The following RAB3C variants were observed in gnomAD, a reference collection of about 807,000 sequenced individuals.
RAB3C encodes the protein ras-related protein Rab-3C.
Under a neutral mutation model 26.4 loss-of-function variants are expected in RAB3C, and 17 were observed. That is an observed-to-expected ratio of 0.64 (90% CI 0.44 to 0.97). RAB3C has a LOEUF of 0.97. RAB3C is among the 50% of genes least tolerant of loss of function. The pLI is 0.00. For synonymous variants in RAB3C, 91 were observed against 95.9 expected (o/e 0.95, Z 0.30); for missense variants, 242 against 281.9 (o/e 0.86, Z 1.01).
chr5:58,803,947 C>T (rs1742873923), intron 3 of RAB3C, among the ~76,000 whole-genome samples: 1 of 151,918 alleles, frequency 6.6e-6, no homozygotes, highest in African/African-American at 2.4e-5. Flanking sequence ...ATAATCCCAG[C>T]TACTCGGGAG....
chr5:58,692,735 C>T (rs1331774995), intron 2 of RAB3C, among the ~76,000 whole-genome samples: 3 of 152,028 alleles, frequency 2.0e-5, no homozygotes, highest in Admixed American at 6.6e-5. Context: ...TTTTCAATTA[C>T]TGTCTCCAAA....
chr5:58,779,580 G>T (rs1347208016), intron 3 of RAB3C, among the ~76,000 whole-genome samples: 1 of 151,830 alleles, frequency 6.6e-6, no homozygotes, highest in Admixed American at 6.6e-5. Context: ...TAGAGATGGG[G>T]CCTTATCATG....
chr5:58,712,060 C>G (rs10055370), intron 2 of RAB3C, among the ~76,000 whole-genome samples: 1 of 152,194 alleles, frequency 6.6e-6, no homozygotes. Flanking sequence ...ACAAACACCC[C>G]TCAGCCCATC....
intron 4 of RAB3C, among the ~76,000 whole-genome samples, chr5:58,833,970 G>A (rs1743678574): frequency 6.6e-6 from 1 of 152,052 alleles, no homozygotes; most frequent in Admixed American, 6.5e-5. Flanking sequence ...TAATGAAATC[G>A]AAATAGATTT....
At chr5:58,675,261 A>G (rs1046807442) in intron 2 of RAB3C, among the ~76,000 whole-genome samples, 7 of 151,892 alleles carry the variant, frequency 4.6e-5, no homozygotes, top group Non-Finnish European at 8.8e-5. Context: ...TATCTCTTAC[A>G]TGGCGTTGCA....
In RAB3C at chr5:58,857,036, T is replaced by C. The variant is rs926578990; in HGVS notation, c.*5685T>C. Reference sequence around the variant, plus strand: ...CTTAAATGTTGCATGAAATATGTTATAAAAATAGATTTGTTTTCTATTTTC... The same window carrying C: ...CTTAAATGTTGCATGAAATATGTTACAAAAATAGATTTGTTTTCTATTTTC... On this transcript the variant is annotated 3_prime_UTR_variant, in exon 5 of 5. Transcript: ENST00000282878. 1 of 152,230 alleles carries C rather than the reference T, an allele frequency of 6.6e-6. No individual in the cohort carries two copies. 9.4% of individuals were successfully genotyped at this position (152,230 alleles called of 1,614,324 possible). A position where few individuals can be genotyped will look rare whatever the true frequency, so the allele number is the denominator to read the frequency against.
intron 1 of RAB3C, among the ~76,000 whole-genome samples, chr5:58,591,939 C>A (rs10040892): frequency 6.9e-6 from 1 of 144,530 alleles, no homozygotes; most frequent in East Asian, 2.0e-4. Flanking sequence ...GCACTTGTTG[C>A]GCAGGCTGGA....
At chr5:58,805,989 A>G (rs1742932185) in intron 3 of RAB3C, among the ~76,000 whole-genome samples, 2 of 152,190 alleles carry the variant, frequency 1.3e-5, no homozygotes, top group African/African-American at 4.8e-5. Context: ...TCCTTTAAGC[A>G]TTCTGATGGG....
At chr5:58,722,985 C>A (rs1327771765) in intron 2 of RAB3C, among the ~76,000 whole-genome samples, 1 of 151,736 alleles carries the variant, frequency 6.6e-6, no homozygotes, top group African/African-American at 2.4e-5. Context: ...CTCTTAAATT[C>A]ATTAACCATT....
intron 2 of RAB3C, among the ~76,000 whole-genome samples, chr5:58,699,708 C>T (rs540893767): frequency 1.3e-5 from 2 of 152,302 alleles, no homozygotes; most frequent in African/African-American, 4.8e-5. Flanking sequence ...GCTGCCTTGC[C>T]GTTCAGTCTC....
chr5:58,833,638 A>G (rs925166728), intron 4 of RAB3C, among the ~76,000 whole-genome samples: 2 of 152,190 alleles, frequency 1.3e-5, no homozygotes, highest in African/African-American at 4.8e-5. Context: ...TAAAATCAAC[A>G]CACTAACAGG....
chr5:58,854,287 C>G lies in RAB3C; in HGVS notation c.*2936C>G, dbSNP rs1447903309. On this transcript the variant is annotated 3_prime_UTR_variant, in exon 5 of 5. Transcript: ENST00000282878. ...TTTTCCTTTGCTACTCATTACCTGA[C>G]CACTTTCACTCCTCTAGATACCCTT... 6.6e-6 allele frequency: 1 copy of G among 152,116 alleles called. No individual in the cohort carries two copies. The highest frequency in any genetic ancestry group is 2.4e-5 in the African/African-American group (1 of 41,432). 9.4% of individuals were successfully genotyped at this position (152,116 alleles called of 1,614,324 possible).
At chr5:58,632,878 T>C (rs1747214442) in intron 2 of RAB3C, among the ~76,000 whole-genome samples, 1 of 152,194 alleles carries the variant, frequency 6.6e-6, no homozygotes, top group African/African-American at 2.4e-5. Context: ...TTCTCTTTCC[T>C]CCTATTCACT....
chr5:58,730,249 G>T (rs990681378), intron 3 of RAB3C, among the ~76,000 whole-genome samples: 1 of 151,512 alleles, frequency 6.6e-6, no homozygotes, highest in Non-Finnish European at 1.5e-5. Flanking sequence ...AGCACAAAAT[G>T]GATATTTTAA....
At chr5:58,776,833 C>A (rs1022045747) in intron 3 of RAB3C, among the ~76,000 whole-genome samples, 35 of 151,994 alleles carry the variant, frequency 2.3e-4, no homozygotes, top group African/African-American at 7.7e-4. Context: ...ATTGTCAATA[C>A]CTTACCCGGA....
intron 2 of RAB3C, among the ~76,000 whole-genome samples, chr5:58,714,377 A>G (rs1749124948): frequency 6.6e-6 from 1 of 152,182 alleles, no homozygotes; most frequent in Non-Finnish European, 1.5e-5. Flanking sequence ...GCTAAACATT[A>G]TTCATAAGTA....
At chr5:58,726,901 C>CTCAAGCACAGGGCTAAAGAGGACGG (rs1425800490) in intron 3 of RAB3C, among the ~76,000 whole-genome samples, 1 of 151,886 alleles carries the variant, frequency 6.6e-6, no homozygotes, top group Non-Finnish European at 1.5e-5. Context: ...TGGTCATGAG[C>CTCAAGCACAGGGCTAAAGAGGACGG]TCAAGCACAG....
At chr5:58,741,227 T>A (rs564459807) in intron 3 of RAB3C, among the ~76,000 whole-genome samples, 4 of 152,206 alleles carry the variant, frequency 2.6e-5, no homozygotes, top group Admixed American at 6.5e-5. Flanking sequence ...ATATGCATAG[T>A]ATTGACAACG....
chr5:58,609,121 A>T (rs1746636697), intron 1 of RAB3C, among the ~76,000 whole-genome samples: 1 of 152,134 alleles, frequency 6.6e-6, no homozygotes, highest in Non-Finnish European at 1.5e-5. Flanking sequence ...GCAAACCAAC[A>T]TGGCACATGT....
Sources: allele counts gnomAD v4.1 joint callset (sites outside exome capture counted in the v4.1 genomes callset), GRCh38; gene constraint gnomAD v4.1.1; transcripts MANE v1.5; gene names NCBI Gene and HGNC (gene_info 2026-07-23, HGNC 2026-07-21).